The following RAPGEF2 variants were observed in gnomAD, a reference collection of about 807,000 sequenced individuals.
RAPGEF2 encodes PDZ domain containing guanine nucleotide exchange factor (GEF) 1.
A neutral mutation model predicts 186.7 loss-of-function variants in RAPGEF2; 54 were observed. The ratio of observed to expected loss-of-function variants is 0.29; its 90% confidence interval spans 0.23 to 0.36. The LOEUF (loss-of-function observed/expected upper bound fraction) is 0.36. Ranked by LOEUF, RAPGEF2 falls within the 10% of genes least tolerant of loss-of-function variation. RAPGEF2 has a pLI of 1.00. For missense variants in RAPGEF2, 1,532 were observed against 2,045.0 expected, an observed-to-expected ratio of 0.75 and a Z score of 4.84; for synonymous variants, 712 against 705.9, an observed-to-expected ratio of 1.01 and a Z score of -0.14.
Position 159,355,884 on chromosome 4 carries a change from G to GCCCCCCCC in RAPGEF2, c.4686_4687insCCCCCCCC (p.Thr1563ProfsTer65). The GCCCCCCCC allele has an allele frequency of 1.4e-6, 1 of 694,206 alleles. No individual in the cohort carries two copies. The highest frequency in any genetic ancestry group is 2.0e-6 in the Non-Finnish European group (1 of 504,640). The allele number at this position is 694,206 out of a possible 1,614,324, so 43.0% of individuals were successfully genotyped here. A position where few individuals can be genotyped will look rare whatever the true frequency, so the allele number is the denominator to read the frequency against. On this transcript the variant is annotated frameshift_variant, in exon 29 of 30. Transcript: ENST00000691494. LOFTEE classifies it high-confidence loss of function. ...AGGAGGGCAGGTATCGAGAGCCCCCGCCCACCCCTCCCGGCTACATTGGAA... is the reference window on the plus strand; with the variant it reads ...AGGAGGGCAGGTATCGAGAGCCCCCGCCCCCCCCCCCACCCCTCCCGGCTACATTGGAA...
chr4:159,123,681 G>A (rs1215806487), intron 1 of RAPGEF2, among the ~76,000 whole-genome samples: 1 of 151,662 alleles, frequency 6.6e-6, no homozygotes, highest in African/African-American at 2.4e-5. Flanking sequence ...ACCGCGCCCG[G>A]CTAATTTTTT....
intron 7 of RAPGEF2, among the ~76,000 whole-genome samples, chr4:159,285,928 T>G (rs1403413203): frequency 1.3e-5 from 2 of 152,134 alleles, no homozygotes; most frequent in African/African-American, 4.8e-5. Flanking sequence ...ATTTTAAAAA[T>G]TAAGACTCTA....
At chr4:159,165,758 A>G (rs1254602046) in intron 1 of RAPGEF2, among the ~76,000 whole-genome samples, 1 of 151,764 alleles carries the variant, frequency 6.6e-6, no homozygotes, top group Non-Finnish European at 1.5e-5. Flanking sequence ...ATGCCCAGCT[A>G]ATTTGTTTAG....
At chr4:159,229,625 G>A (rs942224957) in intron 4 of RAPGEF2, 2 of 152,106 alleles carry the variant, frequency 1.3e-5, no homozygotes, top group Non-Finnish European at 2.9e-5. Context: ...CTTAGTAATT[G>A]TTTGTCTTCA....
chr4:159,124,738 A>G (rs1740096822), intron 1 of RAPGEF2, among the ~76,000 whole-genome samples: 1 of 152,228 alleles, frequency 6.6e-6, no homozygotes. Context: ...AGCAAGGACT[A>G]GGACTTGTAG....
intron 4 of RAPGEF2, among the ~76,000 whole-genome samples, chr4:159,214,884 G>A (rs1750854464): frequency 1.3e-5 from 2 of 152,130 alleles, no homozygotes; most frequent in South Asian, 4.1e-4. Context: ...GGAGGGAGTT[G>A]TGGAGTCTTA....
intron 1 of RAPGEF2, among the ~76,000 whole-genome samples, chr4:159,164,129 T>C (rs569811031): frequency 7.3e-4 from 111 of 151,908 alleles, no homozygotes; most frequent in Non-Finnish European, 1.3e-3. Context: ...CTCAGCCTCC[T>C]GAGTAGCTGG....
chr4:159,318,670 G>A lies in RAPGEF2; in HGVS notation c.854-3677G>A, dbSNP rs559285067. Among the ~76,000 whole-genome samples the A allele has an allele frequency of 9.2e-5, 14 of 152,148 alleles. No homozygotes were observed. In the South Asian group the frequency reaches 2.3e-3, roughly 25 times the overall value. ...TTTGTAGGTACTCCATTATTGAATA[G>A]TTTTAAAAAATTTTTTTTGTTTTGA... On this transcript the variant is annotated intron_variant, in intron 9 of 29. Coordinates refer to ENST00000691494, the MANE Select transcript of RAPGEF2 (RefSeq NM_001394067.2).
chr4:159,319,843 G>T (rs1014897130), intron 9 of RAPGEF2, among the ~76,000 whole-genome samples: 1 of 151,630 alleles, frequency 6.6e-6, no homozygotes, highest in Non-Finnish European at 1.5e-5. Flanking sequence ...TTAAGAGTCT[G>T]CCAAAAAGCA....
intron 1 of RAPGEF2, among the ~76,000 whole-genome samples, chr4:159,121,330 C>T (rs1326151531): frequency 6.6e-6 from 1 of 151,288 alleles, no homozygotes; most frequent in African/African-American, 2.4e-5. Context: ...GGACCTCTCC[C>T]CTCCCCTCCC....
At chr4:159,296,760 C>T (rs1299637329) in intron 7 of RAPGEF2, among the ~76,000 whole-genome samples, 1 of 152,238 alleles carries the variant, frequency 6.6e-6, no homozygotes, top group Non-Finnish European at 1.5e-5. Flanking sequence ...CAAAGCCTCA[C>T]ATTTTGAAAT....
chr4:159,259,971 T>C (rs1264150619), intron 7 of RAPGEF2, among the ~76,000 whole-genome samples: 1 of 152,094 alleles, frequency 6.6e-6, no homozygotes, highest in Non-Finnish European at 1.5e-5. Flanking sequence ...CTATTATCAC[T>C]GTAGTTTGTT....
rs1561346793 is a variant in RAPGEF2, at chr4:159,355,532, GGGT to G, written c.4652-320_4652-318del. On this transcript the variant is annotated intron_variant, in intron 28 of 29. Coordinates refer to ENST00000691494, the MANE Select transcript of RAPGEF2 (RefSeq NM_001394067.2). ...GCTTCAGTCTTTCCAATAAATCCAG[GGGT>G]TAGGTTTTAATCTTACTATTTTATA... Among the ~76,000 whole-genome samples, 672 of 152,212 alleles carry G rather than the reference GGGT, an allele frequency of 4.4e-3. 10 individuals are homozygous for G. The highest frequency in any genetic ancestry group is 0.015 in the African/African-American group (637 of 41,542).
At chr4:159,286,500 T>A (rs1164979645) in intron 7 of RAPGEF2, among the ~76,000 whole-genome samples, 1 of 152,194 alleles carries the variant, frequency 6.6e-6, no homozygotes, top group Non-Finnish European at 1.5e-5. Context: ...AACTGTTATT[T>A]CTGTGATTTT....
intron 7 of RAPGEF2, among the ~76,000 whole-genome samples, chr4:159,248,964 G>A (rs577534016): frequency 6.6e-6 from 1 of 152,236 alleles, no homozygotes; most frequent in South Asian, 2.1e-4. Flanking sequence ...TTGAAAGAAA[G>A]CTTGTATTGA....
intron 17 of RAPGEF2, among the ~76,000 whole-genome samples, chr4:159,335,327 C>G (rs1244505058): frequency 2.6e-5 from 4 of 152,208 alleles, no homozygotes; most frequent in Middle Eastern, 3.4e-3. Context: ...ACTATAAAAC[C>G]AGTGCAGATC....
intron 7 of RAPGEF2, among the ~76,000 whole-genome samples, chr4:159,247,128 G>A (rs1277404516): frequency 6.6e-6 from 1 of 152,106 alleles, no homozygotes; most frequent in Admixed American, 6.5e-5. Context: ...GAATTATAAT[G>A]GGATGGAGTT....
At chr4:159,272,783 G>A (rs1216765639) in intron 7 of RAPGEF2, among the ~76,000 whole-genome samples, 2 of 152,214 alleles carry the variant, frequency 1.3e-5, no homozygotes, top group Non-Finnish European at 2.9e-5. Context: ...AGTAGACTGT[G>A]TTAGAGAGAA....
chr4:159,183,472 A>G (rs145157129), intron 1 of RAPGEF2, among the ~76,000 whole-genome samples: 1 of 152,356 alleles, frequency 6.6e-6, no homozygotes, highest in East Asian at 1.9e-4. Flanking sequence ...AGAAGAAAAT[A>G]TAGTAGTAAA....
Sources: gnomAD v4.1 joint callset for allele counts (sites outside exome capture counted in the v4.1 genomes callset) on GRCh38, gnomAD v4.1.1 for gene constraint, MANE v1.5 for transcripts, NCBI Gene and HGNC (gene_info 2026-07-23, HGNC 2026-07-21) for gene names.